Variants in MLIP observed in about 807,000 individuals in gnomAD.
MLIP encodes muscular LMNA interacting protein.
A neutral mutation model predicts 84.8 loss-of-function variants in MLIP; 79 were observed. That is an observed-to-expected ratio of 0.93 (90% CI 0.78 to 1.12). The LOEUF (loss-of-function observed/expected upper bound fraction) is 1.12. MLIP is among the 50% of genes most tolerant of loss of function. MLIP has a pLI of 0.00. For synonymous variants in MLIP, 504 were observed against 463.0 expected (o/e 1.09, Z -1.14); for missense variants, 1,257 against 1,160.6 (o/e 1.08, Z -1.21).
intron 1 of MLIP, among the ~76,000 whole-genome samples, chr6:54,023,837 T>C (rs1028998416): frequency 1.3e-5 from 2 of 152,152 alleles, no homozygotes; most frequent in African/African-American, 4.8e-5. Context: ...CCCAAAGTGA[T>C]AGGATTACAG....
intron 11 of MLIP, among the ~76,000 whole-genome samples, chr6:54,206,647 T>TG (rs1291524697): frequency 6.6e-6 from 1 of 152,160 alleles, no homozygotes; most frequent in Non-Finnish European, 1.5e-5. Context: ...TTTAGACATC[T>TG]GACTTGCCTC....
intron 5 of MLIP, among the ~76,000 whole-genome samples, chr6:54,157,572 C>T (rs1005398946): frequency 1.3e-5 from 2 of 152,126 alleles, no homozygotes; most frequent in Admixed American, 6.6e-5. Flanking sequence ...TGTTTTGTGG[C>T]ATCCCCCTTC....
intron 12 of MLIP, among the ~76,000 whole-genome samples, chr6:54,244,594 G>C (rs1401307804): frequency 6.6e-6 from 1 of 152,134 alleles, no homozygotes; most frequent in African/African-American, 2.4e-5. Flanking sequence ...TTTTAGCTAG[G>C]TTCTCCACTA....
intron 8 of MLIP, among the ~76,000 whole-genome samples, chr6:54,163,416 T>A (rs1249040482): frequency 6.6e-6 from 1 of 151,976 alleles, no homozygotes; most frequent in African/African-American, 2.4e-5. Context: ...TCATGTTTTC[T>A]ATTTAAAATG....
At position 54,111,537 on chromosome 6, in the gene MLIP, T is replaced by A; in HGVS notation, c.58T>A (p.Ser20Thr). The A allele has an allele frequency of 1.3e-6, 2 of 1,536,084 alleles. No homozygotes were observed. Among genetic ancestry groups the A allele is most frequent in the Non-Finnish European group, 1.7e-6 (2 of 1,146,870 alleles). ...CGGGAACAATTACTTCCAAATGACC[T>A]CGTGCATCTTATCAGGGAGCATTCA... Reference protein sequence around the residue: ...DCGNNYFQMTSCILSGSIQTT... With the variant: ...DCGNNYFQMTTCILSGSIQTT... The change falls in exon 1 of 14, where the codon TCG becomes ACG. Residue 20 changes from serine (S) to threonine (T), a missense_variant. By Grantham distance (58) the Ser-to-Thr change is moderately conservative. Coordinates refer to ENST00000502396, the MANE Select transcript of MLIP (RefSeq NM_001281747.2).
Position 54,083,611 on chromosome 6 carries a change from T to C in MLIP, c.64-37836T>C. ...GTGCAGCTGGTACCTTGGATTTGAA[T>C]GTTCTGTGAGTTCTATGACATTATT... On this transcript the variant is annotated intron_variant, in intron 1 of 12. Coordinates refer to the MLIP transcript ENST00000274897. The C allele has an allele frequency of 3.9e-6, 6 of 1,536,060 alleles. No homozygotes were observed. In the South Asian group the frequency reaches 4.8e-5, roughly 12 times the overall value.
intron 1 of MLIP, chr6:54,028,902 C>G (rs1763971410): frequency 6.6e-6 from 1 of 152,174 alleles, no homozygotes; most frequent in South Asian, 2.1e-4. Flanking sequence ...GGCAGCTCAT[C>G]TTCATCTGGC....
intron 11 of MLIP, chr6:54,217,709 A>C: frequency 2.0e-6 from 2 of 985,102 alleles, no homozygotes; most frequent in Non-Finnish European, 2.4e-6. Context: ...GACAATTCTC[A>C]AGTGACTAAA....
At chr6:54,252,337 TATATA>T (rs572604621) in intron 12 of MLIP, among the ~76,000 whole-genome samples, 2,551 of 117,644 alleles carry the variant, frequency 0.022, 203 homozygotes, top group African/African-American at 0.091. Context: ...TACCATATAA[TATATA>T]ATATAACTAT....
chr6:54,214,822 A>G (rs191192876), intron 11 of MLIP, among the ~76,000 whole-genome samples: 24 of 152,314 alleles, frequency 1.6e-4, no homozygotes, highest in Non-Finnish European at 3.1e-4. Flanking sequence ...ACTAGAAAAC[A>G]TTTATGAGCA....
chr6:54,263,286 T>C (rs964657338), intron 13 of MLIP, among the ~76,000 whole-genome samples: 3 of 152,060 alleles, frequency 2.0e-5, no homozygotes, highest in African/African-American at 7.2e-5. Context: ...TGTACCTGCA[T>C]CCTTTATCTA....
At chr6:54,028,996 T>A (rs1172763729) in intron 1 of MLIP, 1 of 152,226 alleles carries the variant, frequency 6.6e-6, no homozygotes, top group African/African-American at 2.4e-5. Flanking sequence ...AGGTCTCTTA[T>A]TTTTGTGGGT....
chr6:54,113,207 G>T (rs909108374), intron 1 of MLIP, among the ~76,000 whole-genome samples: 2 of 152,150 alleles, frequency 1.3e-5, no homozygotes, highest in South Asian at 2.1e-4. Flanking sequence ...GGAAGGCCTA[G>T]TTACAGAACC....
chr6:54,171,421 A>G (rs1289673849), intron 9 of MLIP, among the ~76,000 whole-genome samples: 1 of 151,608 alleles, frequency 6.6e-6, no homozygotes, highest in Non-Finnish European at 1.5e-5. Context: ...TGACATTTGA[A>G]TTGTTGTTTG....
At chr6:54,105,893 A>G (rs764549188) in intron 1 of MLIP, among the ~76,000 whole-genome samples, 19 of 152,126 alleles carry the variant, frequency 1.2e-4, no homozygotes, top group Non-Finnish European at 2.4e-4. Context: ...TCATTGGGCT[A>G]TAGGTTGTTA....
chr6:54,205,192 CTT>C, intron 11 of MLIP, among the ~76,000 whole-genome samples: 1 of 152,312 alleles, frequency 6.6e-6, no homozygotes. Context: ...TAAAAAATAA[CTT>C]GAATAATAAA....
chr6:54,040,426 C>T (rs1383263292), intron 1 of MLIP, among the ~76,000 whole-genome samples: 1 of 151,896 alleles, frequency 6.6e-6, no homozygotes, highest in African/African-American at 2.4e-5. Flanking sequence ...CAGATGTTGG[C>T]AAGGCTACAG....
At chr6:54,202,908 AAT>A (rs1369534599) in intron 11 of MLIP, among the ~76,000 whole-genome samples, 2 of 152,174 alleles carry the variant, frequency 1.3e-5, no homozygotes, top group African/African-American at 4.8e-5. Context: ...CAAAAAATAA[AAT>A]AAAATCTTGC....
Position 54,111,448 on chromosome 6 carries a change from T to C in MLIP, c.-32T>C. ...TGAGGCTCCCTTCCCACCTCAGTCA[T>C]TGGTTTGCTCGCTCCCTTATGTGAT... On this transcript the variant is annotated 5_prime_UTR_variant, in exon 1 of 14. Transcript: ENST00000502396. 6.5e-7 allele frequency: 1 copy of C among 1,535,674 alleles called. No individual in the cohort carries two copies.
Sources: allele counts gnomAD v4.1 joint callset (sites outside exome capture counted in the v4.1 genomes callset), GRCh38; gene constraint gnomAD v4.1.1; transcripts MANE v1.5; gene names NCBI Gene and HGNC (gene_info 2026-07-23, HGNC 2026-07-21).